BBX: variants seen among roughly 807,000 people sequenced by gnomAD.
BBX encodes HMG box transcription factor BBX.
In BBX, 30 loss-of-function variants were observed where a neutral mutation model predicts 100.2. That is an observed-to-expected ratio of 0.30 (90% CI 0.22 to 0.41). The LOEUF is 0.41. Ranked by LOEUF, BBX falls within the 10% of genes least tolerant of loss-of-function variation. The pLI, the probability that BBX is intolerant of heterozygous loss-of-function variation, is 1.00. For missense variants in BBX, 1,023 were observed against 1,129.8 expected, an observed-to-expected ratio of 0.91 and a Z score of 1.35; for synonymous variants, 376 against 388.1, an observed-to-expected ratio of 0.97 and a Z score of 0.37.
intron 2 of BBX, among the ~76,000 whole-genome samples, chr3:107,585,802 T>G (rs981946948): frequency 2.0e-5 from 3 of 152,178 alleles, no homozygotes; most frequent in African/African-American, 7.2e-5. Flanking sequence ...AAAAGTGAAC[T>G]TATTTTAATT....
chr3:107,794,089 C>T (rs2069342689), intron 15 of BBX, among the ~76,000 whole-genome samples: 1 of 152,116 alleles, frequency 6.6e-6, no homozygotes, highest in Non-Finnish European at 1.5e-5. Context: ...ATCTTTCCAC[C>T]TAGTTATGGT....
At chr3:107,690,892 C>CTTTTTTTTTTTTTTTTTTTTTTT (rs66523709) in intron 3 of BBX, among the ~76,000 whole-genome samples, 1 of 41,190 alleles carries the variant, frequency 2.4e-5, no homozygotes, top group African/African-American at 1.1e-4. Context: ...GCCCCCCCCC[C>CTTTTTTTTTTTTTTTTTTTTTTT]TTTTTTTTTT....
chr3:107,802,426 T>A (rs1330414124), intron 17 of BBX, among the ~76,000 whole-genome samples: 1 of 152,254 alleles, frequency 6.6e-6, no homozygotes, highest in African/African-American at 2.4e-5. Flanking sequence ...TCACAGACAT[T>A]GTTAAAATTC....
intron 2 of BBX, among the ~76,000 whole-genome samples, chr3:107,566,079 G>T (rs2050881102): frequency 6.9e-6 from 1 of 145,866 alleles, no homozygotes; most frequent in Non-Finnish European, 1.5e-5. Flanking sequence ...GGAGATTGTG[G>T]CAGGAGAATC....
chr3:107,623,118 G>A (rs1416926831), intron 2 of BBX, among the ~76,000 whole-genome samples: 1 of 152,252 alleles, frequency 6.6e-6, no homozygotes, highest in Non-Finnish European at 1.5e-5. Flanking sequence ...TGCCATCGAC[G>A]CAGTGCTTTG....
At chr3:107,598,868 C>G (rs1445938731) in intron 2 of BBX, among the ~76,000 whole-genome samples, 1 of 152,170 alleles carries the variant, frequency 6.6e-6, no homozygotes, top group Non-Finnish European at 1.5e-5. Context: ...CATTTACTCT[C>G]TCATTGAAGA....
At chr3:107,572,507 C>T (rs2051443890) in intron 2 of BBX, among the ~76,000 whole-genome samples, 1 of 152,108 alleles carries the variant, frequency 6.6e-6, no homozygotes. Context: ...TTTATAATTA[C>T]AGGTAAACTC....
chr3:107,565,301 ATT>A (rs1242986516), intron 2 of BBX, among the ~76,000 whole-genome samples: 1 of 144,124 alleles, frequency 6.9e-6, no homozygotes. Flanking sequence ...TCTTCTCTTT[ATT>A]TTTTTTTTGG....
At chr3:107,733,115 C>A in intron 7 of BBX, 92 bp downstream of exon 7, 1 of 1,046,826 alleles carries the variant, frequency 9.6e-7, no homozygotes, top group Non-Finnish European at 1.4e-6. Context: ...TGCATTTTCA[C>A]TGTTTACAGC....
At chr3:107,671,665 G>A (rs756342351) in intron 3 of BBX, among the ~76,000 whole-genome samples, 49 of 152,212 alleles carry the variant, frequency 3.2e-4, no homozygotes, top group Middle Eastern at 6.8e-3. Context: ...TTTCAGAATT[G>A]TAAAATTGAG....
chr3:107,638,780 T>TACACACACACAC (rs61081300), intron 2 of BBX, among the ~76,000 whole-genome samples: 58 of 99,876 alleles, frequency 5.8e-4, no homozygotes, highest in Non-Finnish European at 8.4e-4. Context: ...AAAAAAAGTA[T>TACACACACACAC]ACACACACAC....
intron 1 of BBX, among the ~76,000 whole-genome samples, 166 bp from the exon 2 acceptor site, chr3:107,526,161 C>A (rs1576165560): frequency 6.6e-6 from 1 of 152,116 alleles, no homozygotes; most frequent in African/African-American, 2.4e-5. Flanking sequence ...GCCTTCTGTT[C>A]CCACAGTTCT....
intron 2 of BBX, among the ~76,000 whole-genome samples, chr3:107,547,993 G>T (rs2049365201): frequency 6.6e-6 from 1 of 152,004 alleles, no homozygotes; most frequent in African/African-American, 2.4e-5. Context: ...CATTTTTATG[G>T]CTTCTTTCTC....
At chr3:107,661,353 C>T (rs1490205568) in intron 3 of BBX, among the ~76,000 whole-genome samples, 2 of 152,090 alleles carry the variant, frequency 1.3e-5, no homozygotes, top group Admixed American at 6.5e-5. Context: ...TTGGGGGCCT[C>T]GATTATCATT....
chr3:107,534,018 T>C (rs147148470), intron 2 of BBX, among the ~76,000 whole-genome samples: 2 of 152,316 alleles, frequency 1.3e-5, no homozygotes, highest in Non-Finnish European at 2.9e-5. Flanking sequence ...ATGAAAAATA[T>C]GTCATGGGGA....
intron 13 of BBX, 93 bp from the exon 14 acceptor site, chr3:107,789,694 A>T: frequency 2.3e-6 from 2 of 873,602 alleles, no homozygotes; most frequent in Non-Finnish European, 3.4e-6. Context: ...CTTATTCCAC[A>T]GGAGGGAGGA....
intron 2 of BBX, among the ~76,000 whole-genome samples, chr3:107,581,404 C>T (rs1465828549): frequency 6.6e-6 from 1 of 151,758 alleles, no homozygotes; most frequent in Admixed American, 6.6e-5. Context: ...GATTCTTAAA[C>T]TTGGAAATTC....
chr3:107,799,105 G>A (rs367664662), intron 16 of BBX, among the ~76,000 whole-genome samples: 4 of 151,366 alleles, frequency 2.6e-5, no homozygotes, highest in East Asian at 3.9e-4. Context: ...AGCCGAGATC[G>A]CGCCACTGCA....
intron 8 of BBX, among the ~76,000 whole-genome samples, chr3:107,745,425 C>T (rs1049235711): frequency 2.0e-5 from 3 of 152,034 alleles, no homozygotes; most frequent in African/African-American, 7.2e-5. Flanking sequence ...GGTGTTTGCC[C>T]AACTGTTTTA....
Sources: gnomAD v4.1 joint callset for allele counts (sites outside exome capture counted in the v4.1 genomes callset) on GRCh38, gnomAD v4.1.1 for gene constraint, MANE v1.5 for transcripts, NCBI Gene and HGNC (gene_info 2026-07-23, HGNC 2026-07-21) for gene names.